KIAA0232: variants seen among roughly 807,000 people sequenced by gnomAD.
KIAA0232 encodes the protein uncharacterized protein KIAA0232.
A neutral mutation model predicts 122.0 loss-of-function variants in KIAA0232; 27 were observed. That is an observed-to-expected ratio of 0.22 (90% CI 0.16 to 0.31). The LOEUF (loss-of-function observed/expected upper bound fraction) is 0.31. Among genes scored for constraint, KIAA0232 ranks in the 10% least tolerant of loss-of-function variants. The pLI is 1.00. For synonymous variants in KIAA0232, 613 were observed against 587.6 expected, an observed-to-expected ratio of 1.04 and a Z score of -0.63; for missense variants, 1,551 against 1,634.2, an observed-to-expected ratio of 0.95 and a Z score of 0.88.
chr4:6,813,345 A>G (rs1238207571), intron 2 of KIAA0232, among the ~76,000 whole-genome samples: 6 of 151,132 alleles, frequency 4.0e-5, no homozygotes, highest in Admixed American at 4.0e-4. Context: ...TTAAGTACTT[A>G]GATCTGTTTT....
chr4:6,809,763 C>T (rs894042957), intron 2 of KIAA0232, among the ~76,000 whole-genome samples: 3 of 151,966 alleles, frequency 2.0e-5, no homozygotes, highest in Admixed American at 2.0e-4. Flanking sequence ...ATACAAAAAT[C>T]AGTAATATTT....
Position 6,857,110 on chromosome 4 carries a change from C to T in KIAA0232, c.370-54C>T. 3 of 1,319,206 alleles carry T rather than the reference C, an allele frequency of 2.3e-6. No individual in the cohort carries two copies. The South Asian group carries it at 4.4e-5, about 19-fold the overall frequency. 81.7% of individuals were successfully genotyped at this position (1,319,206 alleles called of 1,614,324 possible). A position where few individuals can be genotyped will look rare whatever the true frequency, so the allele number is the denominator to read the frequency against. On this transcript the variant is annotated intron_variant, in intron 4 of 9. Coordinates refer to ENST00000307659, the MANE Select transcript of KIAA0232 (RefSeq NM_014743.3). ...GTATTAAAACAAAAGTATACAAATA[C>T]CTGATTTGTACATACCTGGCTGTAA...
At chr4:6,847,619 C>A (rs1720034056) in intron 4 of KIAA0232, among the ~76,000 whole-genome samples, 1 of 152,178 alleles carries the variant, frequency 6.6e-6, no homozygotes, top group Non-Finnish European at 1.5e-5. Context: ...CTTTCATTTA[C>A]ATATGCAAAT....
chr4:6,851,495 C>G (rs942994142), intron 4 of KIAA0232, among the ~76,000 whole-genome samples: 21 of 151,958 alleles, frequency 1.4e-4, no homozygotes, highest in African/African-American at 4.8e-4. Context: ...GTTGCTTGAG[C>G]CTGGCAGTTT....
At position 6,863,217 on chromosome 4, in the gene KIAA0232, G is replaced by T. The variant is rs1720976142; in HGVS notation, c.2835G>T (p.Glu945Asp). The T allele has an allele frequency of 1.9e-6, 3 of 1,613,824 alleles. No homozygotes were observed. The highest frequency in any genetic ancestry group is 1.3e-5 in the African/African-American group (1 of 74,946). ...GELKTFNSDGEWAVVPPSHTK... is the reference protein window; with the variant it reads ...GELKTFNSDGDWAVVPPSHTK... ...TCAAAACCTTCAATAGTGATGGGGAGTGGGCAGTCGTACCACCTAGTCACA... is the reference window on the plus strand; with the variant it reads ...TCAAAACCTTCAATAGTGATGGGGATTGGGCAGTCGTACCACCTAGTCACA... The change falls in exon 7 of 10, where the codon GAG (glutamate) becomes GAT (aspartate). Residue 945 changes from glutamate (E) to aspartate (D), a missense_variant. Coordinates refer to ENST00000307659, the MANE Select transcript of KIAA0232 (RefSeq NM_014743.3).
chr4:6,860,187 A>C (rs945285319), intron 6 of KIAA0232, among the ~76,000 whole-genome samples: 1 of 152,224 alleles, frequency 6.6e-6, no homozygotes, highest in Non-Finnish European at 1.5e-5. Flanking sequence ...GCAGTTACGT[A>C]AGAAGCTGCT....
chr4:6,857,225 A>G lies in KIAA0232; in HGVS notation c.431A>G (p.Lys144Arg), dbSNP rs778426084. ...LCSRLKDLQS[K>R]QEEKIHKKLE... Reference sequence around the variant, plus strand: ...TCCAGACTGAAAGACCTTCAGAGTAAGCAAGGTGAGGTCAAAAGCACTGTG... The same window carrying G: ...TCCAGACTGAAAGACCTTCAGAGTAGGCAAGGTGAGGTCAAAAGCACTGTG... Residue 144 changes from lysine (K) to arginine (R), a missense_variant, in exon 5 of 10, where the codon AAG becomes AGG. Physicochemically the swap from Lys to Arg is conservative, Grantham distance 26. Coordinates refer to ENST00000307659, the MANE Select transcript of KIAA0232 (RefSeq NM_014743.3). The G allele has an allele frequency of 6.2e-7, 1 of 1,612,248 alleles. No individual in the cohort carries two copies. Among genetic ancestry groups the G allele is most frequent in the African/African-American group, 1.3e-5 (1 of 74,960 alleles).
At chr4:6,831,696 G>A (rs761015920) in intron 3 of KIAA0232, among the ~76,000 whole-genome samples, 2 of 152,124 alleles carry the variant, frequency 1.3e-5, no homozygotes, top group Admixed American at 6.5e-5. Flanking sequence ...AGCCCCCCTC[G>A]TGTCCCACAC....
intron 1 of KIAA0232, among the ~76,000 whole-genome samples, chr4:6,787,181 A>G (rs1284731959): frequency 1.3e-5 from 2 of 148,694 alleles, no homozygotes; most frequent in African/African-American, 4.9e-5. Context: ...CTCTCTCAAA[A>G]AAAAAAAAAA....
chr4:6,807,678 A>G (rs1330351246), intron 2 of KIAA0232, among the ~76,000 whole-genome samples: 2 of 152,176 alleles, frequency 1.3e-5, no homozygotes, highest in African/African-American at 2.4e-5. Context: ...TAGATTCTTT[A>G]TGGATTTTCT....
At chr4:6,833,646 A>AG (rs1719112167) in intron 3 of KIAA0232, among the ~76,000 whole-genome samples, 1 of 152,208 alleles carries the variant, frequency 6.6e-6, no homozygotes, top group East Asian at 1.9e-4. Context: ...AAGGAAAAAA[A>AG]GAAAAAAAAA....
intron 6 of KIAA0232, among the ~76,000 whole-genome samples, chr4:6,860,556 A>C (rs1463725829): frequency 6.6e-6 from 1 of 152,236 alleles, no homozygotes; most frequent in African/African-American, 2.4e-5. Context: ...ATTCAAATTC[A>C]GATAATGCTT....
chr4:6,815,369 C>T (rs906710397), intron 2 of KIAA0232, among the ~76,000 whole-genome samples: 1 of 152,180 alleles, frequency 6.6e-6, no homozygotes, highest in Admixed American at 6.5e-5. Context: ...CTAGGAGTCT[C>T]CTTTCAGTTC....
At chr4:6,819,080 C>A (rs931464575) in intron 2 of KIAA0232, among the ~76,000 whole-genome samples, 3 of 152,056 alleles carry the variant, frequency 2.0e-5, no homozygotes, top group Admixed American at 6.6e-5. Context: ...ATTGACCCAA[C>A]ATGGATTATA....
At chr4:6,784,440 G>A (rs903043726) in intron 1 of KIAA0232, among the ~76,000 whole-genome samples, 1 of 152,050 alleles carries the variant, frequency 6.6e-6, no homozygotes, top group Non-Finnish European at 1.5e-5. Context: ...GAGGGCGGGG[G>A]GGGAGGAGGA....
intron 2 of KIAA0232, among the ~76,000 whole-genome samples, chr4:6,818,091 A>T (rs1388241055): frequency 6.6e-6 from 1 of 152,106 alleles, no homozygotes; most frequent in Admixed American, 6.5e-5. Context: ...TAACATTCAA[A>T]CCAAGAACCA....
chr4:6,871,454 C>A (rs1409250930), intron 7 of KIAA0232, 120 bp from the exon 8 acceptor site: 6 of 616,702 alleles, frequency 9.7e-6, no homozygotes, highest in Middle Eastern at 4.1e-4. Context: ...AAAGAAAAAT[C>A]AAAAAACCTC....
intron 2 of KIAA0232, among the ~76,000 whole-genome samples, chr4:6,813,955 T>G (rs1376515268): frequency 6.6e-6 from 1 of 152,078 alleles, no homozygotes; most frequent in Admixed American, 6.5e-5. Flanking sequence ...CACAGAGCAA[T>G]GTTAATATTG....
rs189854029 is a variant in KIAA0232, at chr4:6,859,498, A to T, written c.518+992A>T. Among the ~76,000 whole-genome samples, 22 of 152,232 alleles carry T rather than the reference A, an allele frequency of 1.4e-4. No homozygotes were observed. The East Asian group carries it at 2.5e-3, about 17-fold the overall frequency. On this transcript the variant is annotated intron_variant, in intron 6 of 9. Coordinates refer to ENST00000307659, the MANE Select transcript of KIAA0232 (RefSeq NM_014743.3). ...CATTGGATTTCAAAGACTATATATA[A>T]AAAAAAGTAAAGTATTAAACATTTT...
Sources: allele counts gnomAD v4.1 joint callset (sites outside exome capture counted in the v4.1 genomes callset), GRCh38; gene constraint gnomAD v4.1.1; transcripts MANE v1.5; gene names NCBI Gene and HGNC (gene_info 2026-07-23, HGNC 2026-07-21).